Variants in DCC observed in about 807,000 individuals in gnomAD.
DCC encodes DCC netrin 1 receptor.
In DCC, 58 loss-of-function variants were observed where a neutral mutation model predicts 172.5. The observed-to-expected ratio is 0.34, with a 90% CI of 0.27 to 0.42. The LOEUF is 0.42. Among genes scored for constraint, DCC ranks in the 10% least tolerant of loss-of-function variants. The pLI is 1.00. For missense variants in DCC, 1,740 were observed against 1,791.0 expected (o/e 0.97, Z 0.51); for synonymous variants, 709 against 644.5 (o/e 1.10, Z -1.52).
intron 7 of DCC, among the ~76,000 whole-genome samples, chr18:53,130,643 T>C (rs1324730051): frequency 2.6e-5 from 4 of 152,056 alleles, no homozygotes; most frequent in African/African-American, 9.7e-5. Flanking sequence ...AACAATTGTC[T>C]TGTTTTCAAC....
intron 12 of DCC, among the ~76,000 whole-genome samples, chr18:53,253,264 T>C (rs556800480): frequency 1.3e-5 from 2 of 152,126 alleles, no homozygotes; most frequent in South Asian, 4.1e-4. Flanking sequence ...ATACTAATGG[T>C]GAATATTTAT....
intron 2 of DCC, among the ~76,000 whole-genome samples, chr18:52,903,336 C>G (rs1002038322): frequency 6.6e-6 from 1 of 152,108 alleles, no homozygotes; most frequent in African/African-American, 2.4e-5. Context: ...TCCCGAGTAG[C>G]TGGGACCACA....
intron 27 of DCC, among the ~76,000 whole-genome samples, chr18:53,504,510 G>C (rs146863958): frequency 1.3e-5 from 2 of 152,142 alleles, no homozygotes; most frequent in African/African-American, 4.8e-5. Flanking sequence ...GAAAGCTATC[G>C]GTGTGGCTTT....
intron 15 of DCC, among the ~76,000 whole-genome samples, 187 bp from the exon 16 acceptor site, chr18:53,385,856 T>C (rs1465615972): frequency 2.0e-5 from 3 of 152,216 alleles, no homozygotes; most frequent in Non-Finnish European, 2.9e-5. Flanking sequence ...ATATGGGGAT[T>C]GAGGAAGATC....
rs73467259 is a variant in DCC, at chr18:53,368,816, A to G, written c.2360-17227A>G. Among the ~76,000 whole-genome samples the G allele has an allele frequency of 4.2e-3, 637 of 152,130 alleles. 6 individuals are homozygous for G. The highest frequency in any genetic ancestry group is 0.015 in the African/African-American group (616 of 41,558). On this transcript the variant is annotated intron_variant, in intron 15 of 28. Transcript: ENST00000442544. ...TGATTTATATCACTGTATATATGCT[A>G]GTACCACACTATTTTGATTACTGTA...
At chr18:52,683,535 A>T (rs2035782606) in intron 1 of DCC, among the ~76,000 whole-genome samples, 1 of 152,082 alleles carries the variant, frequency 6.6e-6, no homozygotes, top group East Asian at 1.9e-4. Flanking sequence ...ACTGACAAAA[A>T]GTCTATATTT....
chr18:53,030,352 A>T (rs185822950), intron 5 of DCC, among the ~76,000 whole-genome samples: 3 of 152,262 alleles, frequency 2.0e-5, no homozygotes, highest in African/African-American at 7.2e-5. Context: ...CTGCCACATA[A>T]TATATACTCA....
chr18:53,165,101 A>C (rs542758420), intron 8 of DCC, among the ~76,000 whole-genome samples: 90 of 152,282 alleles, frequency 5.9e-4, no homozygotes, highest in African/African-American at 2.0e-3. Context: ...GCATCATTCA[A>C]TTTAATCCTC....
chr18:53,136,147 A>G (rs1321475120), intron 7 of DCC, among the ~76,000 whole-genome samples: 2 of 151,894 alleles, frequency 1.3e-5, no homozygotes, highest in South Asian at 2.1e-4. Flanking sequence ...GTGTGTGTGT[A>G]TGTGTGTATG....
chr18:53,203,454 A>G (rs555806421), intron 9 of DCC, among the ~76,000 whole-genome samples: 3 of 152,276 alleles, frequency 2.0e-5, no homozygotes, highest in Admixed American at 2.0e-4. Context: ...CAGTGTTAAG[A>G]ACAAGGAATC....
chr18:53,151,941 C>T (rs1457934832), intron 7 of DCC, among the ~76,000 whole-genome samples: 3 of 151,760 alleles, frequency 2.0e-5, no homozygotes, highest in Admixed American at 6.6e-5. Flanking sequence ...TTAGGTTTAT[C>T]CACTTCTTCA....
chr18:53,418,465 C>A (rs1910449188), intron 21 of DCC, among the ~76,000 whole-genome samples: 1 of 152,138 alleles, frequency 6.6e-6, no homozygotes, highest in South Asian at 2.1e-4. Context: ...TTTTACCATT[C>A]CCACTGTTAG....
At chr18:52,855,132 T>C (rs1284773320) in intron 2 of DCC, among the ~76,000 whole-genome samples, 1 of 152,218 alleles carries the variant, frequency 6.6e-6, no homozygotes, top group Non-Finnish European at 1.5e-5. Context: ...CTAACCATCC[T>C]CATCTGTTCT....
intron 5 of DCC, among the ~76,000 whole-genome samples, chr18:52,973,036 G>A (rs116216946): frequency 2.6e-5 from 4 of 152,106 alleles, no homozygotes; most frequent in African/African-American, 4.8e-5. Context: ...TTCATGTTTC[G>A]ACAGACCACT....
At chr18:52,974,682 T>C (rs2041088163) in intron 5 of DCC, among the ~76,000 whole-genome samples, 1 of 152,338 alleles carries the variant, frequency 6.6e-6, no homozygotes, top group Non-Finnish European at 1.5e-5. Context: ...TATGTTACCC[T>C]GTCATTTTCC....
At chr18:53,286,275 G>A (rs574369266) in intron 12 of DCC, among the ~76,000 whole-genome samples, 24 of 152,070 alleles carry the variant, frequency 1.6e-4, no homozygotes, top group Non-Finnish European at 2.6e-4. Context: ...CACATGTTAT[G>A]GGAGGAACCT....
intron 2 of DCC, among the ~76,000 whole-genome samples, chr18:52,785,678 C>T (rs2037644416): frequency 6.6e-6 from 1 of 152,024 alleles, no homozygotes; most frequent in Non-Finnish European, 1.5e-5. Context: ...TGGTTTGCCT[C>T]CACCAGATGC....
chr18:52,527,551 A>G (rs926734753), intron 1 of DCC, among the ~76,000 whole-genome samples: 4 of 152,246 alleles, frequency 2.6e-5, no homozygotes, highest in African/African-American at 9.6e-5. Flanking sequence ...GGAAAAATGC[A>G]GAGTTCAGTG....
At chr18:53,345,118 T>C (rs907816631) in intron 15 of DCC, among the ~76,000 whole-genome samples, 7 of 151,424 alleles carry the variant, frequency 4.6e-5, no homozygotes, top group Non-Finnish European at 1.0e-4. Context: ...CAAGAATCCA[T>C]AATTTAATAT....
Sources: gnomAD v4.1 joint callset for allele counts (sites outside exome capture counted in the v4.1 genomes callset) on GRCh38, gnomAD v4.1.1 for gene constraint, MANE v1.5 for transcripts, NCBI Gene and HGNC (gene_info 2026-07-23, HGNC 2026-07-21) for gene names.